The following SPSB4 variants were observed in gnomAD, a reference collection of about 807,000 sequenced individuals.
SPSB4 encodes splA/ryanodine receptor domain and SOCS box containing 4, also known as SPRY domain-containing SOCS box protein 4.
A neutral mutation model predicts 20.9 loss-of-function variants in SPSB4; 21 were observed. The observed-to-expected ratio is 1.01, with a 90% CI of 0.71 to 1.45. The LOEUF is 1.45. Among genes scored for constraint, SPSB4 ranks in the 40% most tolerant of loss-of-function variants. SPSB4 has a pLI of 0.00. For synonymous variants in SPSB4, 207 were observed against 183.8 expected, an observed-to-expected ratio of 1.13 and a Z score of -1.02; for missense variants, 399 against 399.2, an observed-to-expected ratio of 1.00 and a Z score of 0.00.
chr3:141,107,966 TAAA>T (rs200572966), intron 2 of SPSB4, among the ~76,000 whole-genome samples: 1 of 121,926 alleles, frequency 8.2e-6, no homozygotes, highest in African/African-American at 3.2e-5. Flanking sequence ...AAAAAAAAAA[TAAA>T]ATAAAAGATT....
At position 141,146,036 on chromosome 3, in the gene SPSB4, AATG is replaced by A. The variant is rs1939407669; in HGVS notation, c.695-1103_695-1101del. ...TATTGCATATATTACACTCTATTAA[AATG>A]ATTCACCTATTTAAAATCCCAGATC... On this transcript the variant is annotated intron_variant, in intron 2 of 2. Transcript: ENST00000310546. Among the ~76,000 whole-genome samples, 4 of 151,952 alleles carry A rather than the reference AATG, an allele frequency of 2.6e-5. No homozygotes were observed. In the South Asian group the frequency reaches 8.3e-4, roughly 32 times the overall value.
chr3:141,074,381 T>C (rs1938062795), intron 2 of SPSB4, among the ~76,000 whole-genome samples: 1 of 152,210 alleles, frequency 6.6e-6, no homozygotes, highest in Non-Finnish European at 1.5e-5. Flanking sequence ...CTATTACTGC[T>C]CTCATAAATT....
intron 2 of SPSB4, among the ~76,000 whole-genome samples, chr3:141,125,294 T>G (rs547411786): frequency 9.2e-5 from 14 of 152,300 alleles, no homozygotes; most frequent in African/African-American, 3.4e-4. Context: ...GGAAGTGAAT[T>G]TTCTGATGAG....
Position 141,147,132 on chromosome 3 carries a change from C to G in SPSB4, c.695-10C>G. On this transcript the variant is annotated splice_polypyrimidine_tract_variant and intron_variant, in intron 2 of 2. Transcript: ENST00000310546. The stretch of plus-strand genomic sequence containing the variant: ...CAGGGCACACTCTAACTGCTTCCCT[C>G]TCATTGCAGCCGAGCCCCTGCCACT... 6.2e-7 allele frequency: 1 copy of G among 1,613,808 alleles called. No homozygotes were observed. Among genetic ancestry groups the G allele is most frequent in the Non-Finnish European group, 8.5e-7 (1 of 1,180,014 alleles).
At chr3:141,116,531 G>A (rs939600650) in intron 2 of SPSB4, among the ~76,000 whole-genome samples, 1 of 152,174 alleles carries the variant, frequency 6.6e-6, no homozygotes, top group African/African-American at 2.4e-5. Context: ...GCAGCAGAGA[G>A]TGCATCCCAG....
At chr3:141,130,914 A>G (rs1231680084) in intron 2 of SPSB4, among the ~76,000 whole-genome samples, 2 of 152,198 alleles carry the variant, frequency 1.3e-5, no homozygotes, top group Non-Finnish European at 2.9e-5. Flanking sequence ...ACCTTGTCAT[A>G]TTTTTAGCAC....
chr3:141,121,447 G>T (rs1174688791), intron 2 of SPSB4, among the ~76,000 whole-genome samples: 3 of 152,130 alleles, frequency 2.0e-5, no homozygotes, highest in Admixed American at 1.3e-4. Context: ...TCCTGAATTT[G>T]AATGTTGGCC....
intron 2 of SPSB4, among the ~76,000 whole-genome samples, chr3:141,099,247 C>T (rs535063496): frequency 1.1e-4 from 16 of 150,628 alleles, no homozygotes; most frequent in Admixed American, 2.0e-4. Context: ...TGCAGTGGCG[C>T]GATCTCGACT....
chr3:141,138,708 T>C (rs1050041301), intron 2 of SPSB4, among the ~76,000 whole-genome samples: 6 of 152,230 alleles, frequency 3.9e-5, no homozygotes, highest in African/African-American at 1.4e-4. Flanking sequence ...GACAGTTTGT[T>C]ATAATTTCTG....
intron 2 of SPSB4, among the ~76,000 whole-genome samples, chr3:141,140,128 G>T (rs1939299647): frequency 6.6e-6 from 1 of 152,084 alleles, no homozygotes; most frequent in Non-Finnish European, 1.5e-5. Context: ...GATCGCGTCA[G>T]TTACTGAGGC....
intron 2 of SPSB4, among the ~76,000 whole-genome samples, chr3:141,103,831 T>C (rs1559849366): frequency 7.4e-6 from 1 of 134,330 alleles, no homozygotes; most frequent in Admixed American, 7.2e-5. Flanking sequence ...AAAAATGACC[T>C]TTTTTTTTTT....
chr3:141,117,693 CTG>C (rs1938899368), intron 2 of SPSB4, among the ~76,000 whole-genome samples: 1 of 152,200 alleles, frequency 6.6e-6, no homozygotes, highest in African/African-American at 2.4e-5. Flanking sequence ...GTGATGTTCC[CTG>C]CCCTGTGTCC....
intron 2 of SPSB4, among the ~76,000 whole-genome samples, chr3:141,146,821 A>T (rs1939419534): frequency 6.6e-6 from 1 of 151,714 alleles, no homozygotes; most frequent in African/African-American, 2.4e-5. Context: ...GAGACCAGAG[A>T]CAAGGCTTTC....
At chr3:141,142,621 T>C (rs1366109994) in intron 2 of SPSB4, among the ~76,000 whole-genome samples, 1 of 152,118 alleles carries the variant, frequency 6.6e-6, no homozygotes, top group African/African-American at 2.4e-5. Flanking sequence ...GTGAACTGTC[T>C]AGTGCTGTCA....
At chr3:141,122,627 G>A (rs1162959951) in intron 2 of SPSB4, among the ~76,000 whole-genome samples, 2 of 152,268 alleles carry the variant, frequency 1.3e-5, no homozygotes, top group South Asian at 2.1e-4. Flanking sequence ...GCATAAAACC[G>A]CCTACTCAAG....
At chr3:141,106,273 T>A (rs1165868754) in intron 2 of SPSB4, among the ~76,000 whole-genome samples, 1 of 152,204 alleles carries the variant, frequency 6.6e-6, no homozygotes, top group Non-Finnish European at 1.5e-5. Context: ...GAGGTACCAG[T>A]TGGGGAGATA....
At chr3:141,138,740 G>T (rs1297567628) in intron 2 of SPSB4, among the ~76,000 whole-genome samples, 1 of 152,208 alleles carries the variant, frequency 6.6e-6, no homozygotes, top group African/African-American at 2.4e-5. Context: ...TTGCTGAGGA[G>T]TGTTTTACTT....
intron 2 of SPSB4, among the ~76,000 whole-genome samples, chr3:141,096,464 C>A (rs1576529513): frequency 6.6e-6 from 1 of 152,326 alleles, no homozygotes; most frequent in African/African-American, 2.4e-5. Context: ...ATTGCCAGGA[C>A]AGCTCTCCCT....
chr3:141,084,718 G>T (rs1938309647), intron 2 of SPSB4, among the ~76,000 whole-genome samples: 1 of 152,192 alleles, frequency 6.6e-6, no homozygotes, highest in Non-Finnish European at 1.5e-5. Context: ...CATTCCCTGT[G>T]CTGCTATCTC....
Sources: allele counts gnomAD v4.1 joint callset (sites outside exome capture counted in the v4.1 genomes callset), GRCh38; gene constraint gnomAD v4.1.1; transcripts MANE v1.5; gene names NCBI Gene and HGNC (gene_info 2026-07-23, HGNC 2026-07-21).